The following ADCY1 variants were observed in gnomAD, a reference collection of about 807,000 sequenced individuals.
ADCY1 encodes adenylate cyclase 1.
In ADCY1, 28 loss-of-function variants were observed where a neutral mutation model predicts 105.4. That is an observed-to-expected ratio of 0.27 (90% confidence interval 0.20 to 0.36). The LOEUF (loss-of-function observed/expected upper bound fraction) is 0.36, where lower values mean the gene tolerates loss of function less well. Among genes scored for constraint, ADCY1 ranks in the 10% least tolerant of loss-of-function variants. ADCY1 has a pLI of 1.00. For synonymous variants in ADCY1, 655 were observed against 623.8 expected, an observed-to-expected ratio of 1.05 and a Z score of -0.75; for missense variants, 977 against 1,434.2, an observed-to-expected ratio of 0.68 and a Z score of 5.15.
intron 11 of ADCY1, among the ~76,000 whole-genome samples, chr7:45,682,213 G>T (rs538262204): frequency 6.6e-6 from 1 of 152,328 alleles, no homozygotes; most frequent in Non-Finnish European, 1.5e-5. Flanking sequence ...CTGCATGGGG[G>T]TGGGGCAGTG....
chr7:45,662,813 C>T (rs1795167503), intron 8 of ADCY1, among the ~76,000 whole-genome samples: 1 of 152,234 alleles, frequency 6.6e-6, no homozygotes, highest in South Asian at 2.1e-4. Flanking sequence ...ACCCCCGGAC[C>T]CCAGGCTTCC....
intron 1 of ADCY1, among the ~76,000 whole-genome samples, chr7:45,576,712 G>A (rs1792358954): frequency 1.3e-5 from 2 of 152,082 alleles, no homozygotes; most frequent in South Asian, 2.1e-4. Context: ...CCATCTGTCT[G>A]TGTTTAGCCT....
rs1256098270 is a variant in ADCY1, at chr7:45,592,906, C to G, written c.787C>G (p.Gln263Glu). The change falls in exon 2 of 20, where the codon CAG (glutamine) becomes GAG (glutamate). Residue 263 changes from glutamine (Q) to glutamate (E), a missense_variant and splice_region_variant. Transcript: ENST00000297323. ...GAGGCTGGAGGATGAGAACGAGAAG[C>G]AGGTCAGTGGCTTGGGCCAGTCAGC... ...RLRLEDENEKQERLLMSLLPR... is the reference protein window; with the variant it reads ...RLRLEDENEKEERLLMSLLPR... The G allele has an allele frequency of 6.2e-7, 1 of 1,614,050 alleles. No homozygotes were observed. The highest frequency in any genetic ancestry group is 2.2e-5 in the East Asian group (1 of 44,878).
At chr7:45,624,065 A>T (rs569770190) in intron 4 of ADCY1, among the ~76,000 whole-genome samples, 9 of 152,278 alleles carry the variant, frequency 5.9e-5, no homozygotes, top group Non-Finnish European at 1.2e-4. Context: ...CTTTTCAGAG[A>T]AGGTGACAGT....
At chr7:45,585,023 A>G (rs549004822) in intron 1 of ADCY1, among the ~76,000 whole-genome samples, 2 of 152,258 alleles carry the variant, frequency 1.3e-5, no homozygotes, top group Non-Finnish European at 2.9e-5. Context: ...GGTGTGCACC[A>G]TGTGCCAGCC....
intron 1 of ADCY1, among the ~76,000 whole-genome samples, chr7:45,587,391 A>G (rs1792762421): frequency 6.6e-6 from 1 of 152,160 alleles, no homozygotes; most frequent in African/African-American, 2.4e-5. Context: ...GGTCTGCCTC[A>G]CGGGGACTTT....
chr7:45,691,073 A>G (rs1002118167), intron 14 of ADCY1, among the ~76,000 whole-genome samples: 1 of 152,112 alleles, frequency 6.6e-6, no homozygotes, highest in African/African-American at 2.4e-5. Flanking sequence ...TGGGAGAGAC[A>G]TTTCCTCTCA....
intron 14 of ADCY1, among the ~76,000 whole-genome samples, chr7:45,689,482 A>G (rs1026267333): frequency 6.6e-6 from 1 of 152,112 alleles, no homozygotes; most frequent in African/African-American, 2.4e-5. Flanking sequence ...TCACATGGCG[A>G]GAGCAGGAGC....
intron 5 of ADCY1, among the ~76,000 whole-genome samples, chr7:45,650,957 C>G (rs933310176): frequency 1.3e-5 from 2 of 152,168 alleles, no homozygotes; most frequent in African/African-American, 4.8e-5. Flanking sequence ...TCTTGGCCAG[C>G]TCTCCTGGCA....
In ADCY1 at chr7:45,719,128, T is replaced by A. The variant is rs1332107656; in HGVS notation, c.*5133T>A. The A allele has an allele frequency of 1.3e-5, 2 of 152,686 alleles. No individual in the cohort carries two copies. Among genetic ancestry groups the A allele is most frequent in the African/African-American group, 4.8e-5 (2 of 41,344 alleles). The allele number at this position is 152,686 out of a possible 1,614,324, so 9.5% of individuals were successfully genotyped here. A position where few individuals can be genotyped will look rare whatever the true frequency, so the allele number is the denominator to read the frequency against. On this transcript the variant is annotated 3_prime_UTR_variant, in exon 20 of 20. Coordinates refer to ENST00000297323, the MANE Select transcript of ADCY1 (RefSeq NM_021116.4). ...TCCCAGGGCTGTGAAGGCAGAGGGG[T>A]CTCTGGAGGCAGACAGGGTGGGCTG...
chr7:45,646,632 C>A (rs1217156356), intron 4 of ADCY1, among the ~76,000 whole-genome samples: 1 of 152,318 alleles, frequency 6.6e-6, no homozygotes, highest in African/African-American at 2.4e-5. Flanking sequence ...GCAGCCTGCC[C>A]TTGGGTGGAG....
chr7:45,691,161 C>T (rs1024366908), intron 14 of ADCY1, among the ~76,000 whole-genome samples: 1 of 152,176 alleles, frequency 6.6e-6, no homozygotes, highest in African/African-American at 2.4e-5. Context: ...CCTGCCATGT[C>T]GTTCTCCATC....
At chr7:45,630,013 T>A (rs995280808) in intron 4 of ADCY1, among the ~76,000 whole-genome samples, 1 of 152,246 alleles carries the variant, frequency 6.6e-6, no homozygotes, top group Non-Finnish European at 1.5e-5. Flanking sequence ...TCCTATTTTT[T>A]AATAGCTAAT....
At chr7:45,600,666 G>T (rs1336946303) in intron 2 of ADCY1, among the ~76,000 whole-genome samples, 2 of 152,242 alleles carry the variant, frequency 1.3e-5, no homozygotes, top group Non-Finnish European at 2.9e-5. Context: ...TGCAACAAGA[G>T]AAATGTATTT....
chr7:45,678,147 T>C lies in ADCY1; in HGVS notation c.1801-19T>C, dbSNP rs778701540. 7 of 1,614,138 alleles carry C rather than the reference T, an allele frequency of 4.3e-6. No individual in the cohort carries two copies. Among genetic ancestry groups the C allele is most frequent in the Non-Finnish European group, 5.1e-6 (6 of 1,179,974 alleles). ...GAGGAAGCCCTCAGCCCTGATGGATTGACTTCTCTCTTACACAGTACCACC... is the reference window on the plus strand; with the variant it reads ...GAGGAAGCCCTCAGCCCTGATGGATCGACTTCTCTCTTACACAGTACCACC... On this transcript the variant is annotated intron_variant, in intron 9 of 19. Transcript: ENST00000297323.
intron 3 of ADCY1, among the ~76,000 whole-genome samples, chr7:45,610,717 TGAGGAGGGGATAG>T (rs1793516425): frequency 1.4e-5 from 1 of 69,210 alleles, no homozygotes; most frequent in Non-Finnish European, 2.9e-5. Context: ...ATGGTGGAGG[TGAGGAGGGGATAG>T]TGGAGGTGGG....
intron 17 of ADCY1, among the ~76,000 whole-genome samples, chr7:45,705,893 A>AT (rs576417053): frequency 1.3e-5 from 2 of 152,300 alleles, no homozygotes; most frequent in African/African-American, 4.8e-5. Context: ...AAAGCTCATC[A>AT]TTTTTCTGTA....
At chr7:45,666,885 T>A (rs1303948357) in intron 8 of ADCY1, among the ~76,000 whole-genome samples, 3 of 152,252 alleles carry the variant, frequency 2.0e-5, no homozygotes, top group Non-Finnish European at 4.4e-5. Context: ...CCAGTGATGA[T>A]GAGCATTTTT....
chr7:45,623,668 T>G (rs1353592538), intron 4 of ADCY1, among the ~76,000 whole-genome samples: 1 of 152,226 alleles, frequency 6.6e-6, no homozygotes, highest in South Asian at 2.1e-4. Context: ...GTGCCCTATT[T>G]GCAAGTGATG....
Sources: gnomAD v4.1 joint callset for allele counts (sites outside exome capture counted in the v4.1 genomes callset) on GRCh38, gnomAD v4.1.1 for gene constraint, MANE v1.5 for transcripts, NCBI Gene and HGNC (gene_info 2026-07-23, HGNC 2026-07-21) for gene names.